SCLT1: variants seen among roughly 807,000 people sequenced by gnomAD.
SCLT1 encodes sodium channel and clathrin linker 1.
SCLT1 carries 78 observed loss-of-function variants against 112.8 expected under a neutral mutation model. The ratio of observed to expected loss-of-function variants is 0.69; its 90% confidence interval spans 0.58 to 0.83. SCLT1 has a LOEUF of 0.83. Among genes scored for constraint, SCLT1 ranks in the 40% least tolerant of loss-of-function variants. SCLT1 has a pLI of 0.00. For missense variants in SCLT1, 747 were observed against 770.4 expected (o/e 0.97, Z 0.36); for synonymous variants, 257 against 254.7 (o/e 1.01, Z -0.09).
chr4:128,892,975 A>C (rs1035628626), intron 18 of SCLT1, among the ~76,000 whole-genome samples: 1 of 152,250 alleles, frequency 6.6e-6, no homozygotes, highest in Non-Finnish European at 1.5e-5. Context: ...ATAAGAAAAA[A>C]AACAACTAAA....
intron 5 of SCLT1, among the ~76,000 whole-genome samples, chr4:129,026,025 T>A (rs1433604874): frequency 1.3e-5 from 2 of 152,174 alleles, no homozygotes; most frequent in African/African-American, 4.8e-5. Flanking sequence ...ATGCACCGAA[T>A]ACAGGAGCAC....
Position 128,959,666 on chromosome 4 carries a change from A to G in SCLT1, c.981T>C (p.Tyr327=), listed in dbSNP as rs932401042. ...AKCNELENER[Y]EAIVRARNSM... is the part of the protein sequence containing the mutation. Reference sequence around the variant, plus strand: ...TATTTCTGGCTCTTACAATAGCCTCATATCTCTCATTTTCTAATTCATTGC... The same window carrying G: ...TATTTCTGGCTCTTACAATAGCCTCGTATCTCTCATTTTCTAATTCATTGC... Residue 327 remains tyrosine (Y), a synonymous_variant, in exon 12 of 21, where the codon TAT becomes TAC. Transcript: ENST00000281142. 16 of 1,613,238 alleles carry G rather than the reference A, an allele frequency of 9.9e-6. No homozygotes were observed. The highest frequency in any genetic ancestry group is 1.3e-5 in the Non-Finnish European group (15 of 1,179,592).
At chr4:129,056,847 G>C (rs915268895) in intron 2 of SCLT1, among the ~76,000 whole-genome samples, 1 of 152,146 alleles carries the variant, frequency 6.6e-6, no homozygotes, top group Non-Finnish European at 1.5e-5. Flanking sequence ...AAGTGCTCTA[G>C]CTAGGACTCC....
chr4:128,966,648 A>G (rs1740221756), intron 10 of SCLT1, among the ~76,000 whole-genome samples: 1 of 152,092 alleles, frequency 6.6e-6, no homozygotes, highest in Admixed American at 6.5e-5. Context: ...TGTCATTTCC[A>G]TTTAGCCTAA....
chr4:128,948,710 A>T, intron 14 of SCLT1, 140 bp from the exon 15 acceptor site: 1 of 628,862 alleles, frequency 1.6e-6, no homozygotes, highest in South Asian at 2.6e-5. Flanking sequence ...AAACAAAACA[A>T]AACTCAATAT....
rs182011981 is a variant in SCLT1 at position 128,886,240 on chromosome 4, G to A, written c.2005-1701C>T. Reference sequence around the variant, plus strand: ...GATACACTTAGAATGGATGAATAACGTGTAGAGAAAGTTAATCAGAAAAGC... The same window carrying A: ...GATACACTTAGAATGGATGAATAACATGTAGAGAAAGTTAATCAGAAAAGC... On this transcript the variant is annotated intron_variant, in intron 20 of 20. Coordinates refer to ENST00000281142, the MANE Select transcript of SCLT1 (RefSeq NM_144643.4). Among the ~76,000 whole-genome samples, 91 of 152,270 alleles carry A rather than the reference G, an allele frequency of 6.0e-4. 1 individual carries two copies. The highest frequency in any genetic ancestry group is 7.2e-4 in the Admixed American group (11 of 15,286).
intron 2 of SCLT1, among the ~76,000 whole-genome samples, chr4:129,076,837 A>G (rs1045425166): frequency 3.9e-5 from 6 of 152,170 alleles, no homozygotes; most frequent in Non-Finnish European, 8.8e-5. Flanking sequence ...TTACTTATAT[A>G]GAAAACACAA....
chr4:129,060,730 A>C lies in SCLT1; in HGVS notation c.103-16679T>G, dbSNP rs150448659. 7.8e-3 allele frequency among the ~76,000 whole-genome samples: 1,182 copies of C among 152,218 alleles called. 13 individuals are homozygous for C. Among genetic ancestry groups the C allele is most frequent in the African/African-American group, 0.027 (1,118 of 41,520 alleles). On this transcript the variant is annotated intron_variant, in intron 2 of 20. Transcript: ENST00000281142. ...TATATTTAATTTCACCACAATAGGG[A>C]GACTTATCAAGAGGATCCCTGTTGT...
intron 18 of SCLT1, among the ~76,000 whole-genome samples, chr4:128,926,114 A>C (rs1736277912): frequency 6.6e-6 from 1 of 151,798 alleles, no homozygotes; most frequent in African/African-American, 2.4e-5. Flanking sequence ...GGTTATGGGT[A>C]CCATTTTCCT....
At chr4:129,057,903 C>A (rs1463159590) in intron 2 of SCLT1, among the ~76,000 whole-genome samples, 3 of 151,996 alleles carry the variant, frequency 2.0e-5, no homozygotes, top group Non-Finnish European at 4.4e-5. Flanking sequence ...AGGCACCCAC[C>A]ACCACGCCTG....
chr4:129,010,325 G>C (rs923362245), intron 5 of SCLT1, among the ~76,000 whole-genome samples: 1 of 152,166 alleles, frequency 6.6e-6, no homozygotes, highest in Non-Finnish European at 1.5e-5. Flanking sequence ...TAGCCCTGCA[G>C]TATAGTTTGA....
chr4:129,032,182 C>T (rs1418036786), intron 5 of SCLT1, among the ~76,000 whole-genome samples: 4 of 152,098 alleles, frequency 2.6e-5, no homozygotes, highest in Non-Finnish European at 1.5e-5. Flanking sequence ...AGAAATAACA[C>T]CACACATCTA....
intron 18 of SCLT1, among the ~76,000 whole-genome samples, chr4:128,931,368 G>A (rs1736746920): frequency 6.6e-6 from 1 of 152,112 alleles, no homozygotes; most frequent in Non-Finnish European, 1.5e-5. Context: ...TTAGATTTCA[G>A]CATTCGACTA....
chr4:128,920,831 G>A (rs1285530934), intron 18 of SCLT1, among the ~76,000 whole-genome samples: 1 of 152,134 alleles, frequency 6.6e-6, no homozygotes, highest in Non-Finnish European at 1.5e-5. Flanking sequence ...GCAAAAGAAA[G>A]AAGTAAAAGG....
At chr4:128,967,932 T>C (rs1252584181) in intron 10 of SCLT1, among the ~76,000 whole-genome samples, 1 of 152,226 alleles carries the variant, frequency 6.6e-6, no homozygotes, top group Non-Finnish European at 1.5e-5. Flanking sequence ...CCAGGGCCTA[T>C]GTCCAGAAGT....
chr4:128,883,859 T>C (rs889497519), downstream of SCLT1: 4 of 152,244 alleles, frequency 2.6e-5, no homozygotes, highest in African/African-American at 7.2e-5. Context: ...AAGATCTCCA[T>C]TTGATTAGTA....
chr4:129,079,547 C>T (rs2125769808), intron 2 of SCLT1, among the ~76,000 whole-genome samples: 1 of 152,310 alleles, frequency 6.6e-6, no homozygotes, highest in Middle Eastern at 3.4e-3. Flanking sequence ...GGGGTGGGCT[C>T]CCACAGCCTT....
At chr4:128,875,633 G>A (rs1458846274) in intron 4 of SCLT1, among the ~76,000 whole-genome samples, 2 of 152,160 alleles carry the variant, frequency 1.3e-5, no homozygotes, top group Non-Finnish European at 2.9e-5. Context: ...TAGTAACTTA[G>A]ATATTGAAGT....
intron 7 of SCLT1, 150 bp from the exon 8 acceptor site, chr4:128,998,089 G>T (rs909929707): frequency 1.3e-5 from 5 of 399,064 alleles, no homozygotes; most frequent in African/African-American, 1.0e-4. Context: ...TGAATTAGTA[G>T]TTGAAAAACT....
Sources: gnomAD v4.1 joint callset for allele counts (sites outside exome capture counted in the v4.1 genomes callset) on GRCh38, gnomAD v4.1.1 for gene constraint, MANE v1.5 for transcripts, NCBI Gene and HGNC (gene_info 2026-07-23, HGNC 2026-07-21) for gene names.